The following CERKL variants were observed in gnomAD, a reference collection of about 807,000 sequenced individuals.
CERKL encodes ceramide kinase-like protein.
CERKL carries 61 observed loss-of-function variants against 63.4 expected under a neutral mutation model. The ratio of observed to expected loss-of-function variants is 0.96; its 90% CI spans 0.78 to 1.19. CERKL has a LOEUF of 1.19. CERKL is among the 50% of genes most tolerant of loss of function. The pLI is 0.00. For synonymous variants in CERKL, 250 were observed against 230.5 expected (o/e 1.08, Z -0.77); for missense variants, 675 against 655.5 (o/e 1.03, Z -0.33).
intron 5 of CERKL, among the ~76,000 whole-genome samples, chr2:181,554,176 A>G (rs1688106487): frequency 6.6e-6 from 1 of 151,862 alleles, no homozygotes; most frequent in Non-Finnish European, 1.5e-5. Flanking sequence ...AAAAAAAAAA[A>G]AAAAAAAAAA....
chr2:181,624,142 G>A, intron 1 of CERKL, among the ~76,000 whole-genome samples: 1 of 152,146 alleles, frequency 6.6e-6, no homozygotes, highest in East Asian at 1.9e-4. Flanking sequence ...TCAGGCACAA[G>A]TAGCCCATGT....
chr2:181,608,957 A>C (rs1356580287), intron 1 of CERKL, among the ~76,000 whole-genome samples: 1 of 152,212 alleles, frequency 6.6e-6, no homozygotes, highest in Non-Finnish European at 1.5e-5. Context: ...ATCAATTAGC[A>C]TATTATATCT....
At chr2:181,629,644 A>C (rs922440404) in intron 1 of CERKL, among the ~76,000 whole-genome samples, 3 of 152,160 alleles carry the variant, frequency 2.0e-5, no homozygotes, top group Admixed American at 6.5e-5. Flanking sequence ...AAAAAAAAAA[A>C]AACTCAGTTA....
chr2:181,651,069 G>A (rs951649287), intron 1 of CERKL, among the ~76,000 whole-genome samples: 34 of 152,244 alleles, frequency 2.2e-4, no homozygotes, highest in African/African-American at 6.3e-4. Context: ...GCCCAGAAAC[G>A]AATGGCTTCA....
chr2:181,622,650 A>G (rs896706611), intron 1 of CERKL, among the ~76,000 whole-genome samples: 1 of 152,250 alleles, frequency 6.6e-6, no homozygotes, highest in Admixed American at 6.5e-5. Flanking sequence ...GAAGGATTTC[A>G]GTCAGTAGAT....
chr2:181,633,510 T>C (rs1280233932), intron 1 of CERKL, among the ~76,000 whole-genome samples: 1 of 152,212 alleles, frequency 6.6e-6, no homozygotes, highest in African/African-American at 2.4e-5. Flanking sequence ...ATTGATAGCA[T>C]CCTCTAATAA....
intron 11 of CERKL, among the ~76,000 whole-genome samples, chr2:181,541,399 G>A (rs999115363): frequency 1.3e-5 from 2 of 152,148 alleles, no homozygotes; most frequent in Non-Finnish European, 2.9e-5. Context: ...CTTTTCTGTG[G>A]TATTTGTTAT....
chr2:181,584,528 A>AT (rs1684676071), intron 2 of CERKL, among the ~76,000 whole-genome samples: 1 of 151,838 alleles, frequency 6.6e-6, no homozygotes, highest in Non-Finnish European at 1.5e-5. Flanking sequence ...GAAAAAAAAA[A>AT]TCTGCCATGT....
At chr2:181,578,189 T>TAC (rs1382944964) in intron 2 of CERKL, among the ~76,000 whole-genome samples, 2 of 152,158 alleles carry the variant, frequency 1.3e-5, no homozygotes, top group Admixed American at 6.5e-5. Context: ...CGCATATATA[T>TAC]ACACACACGT....
At position 181,547,700 on chromosome 2, in the gene CERKL, G is replaced by C; in HGVS notation, c.1186C>G (p.Gln396Glu). The change falls in exon 10 of 13, where the codon CAG becomes GAG. Residue 396 changes from glutamine to glutamate, a missense_variant. Coordinates refer to ENST00000410087, the MANE Select transcript of CERKL (RefSeq NM_201548.5). ...ATGCTGACATTCAAGAACTGACCCTGGATCATTTGCCATTGATCATTACAG... is the reference window on the plus strand; with the variant it reads ...ATGCTGACATTCAAGAACTGACCCTCGATCATTTGCCATTGATCATTACAG... ...SDCNDQWQMIQGQFLNVSIMA... is the reference protein window; with the variant it reads ...SDCNDQWQMIEGQFLNVSIMA... 2.5e-6 allele frequency: 4 copies of C among 1,613,996 alleles called. No homozygotes were observed. Among genetic ancestry groups the C allele is most frequent in the Non-Finnish European group, 3.4e-6 (4 of 1,179,934 alleles).
chr2:181,612,108 C>T (rs1433106132), intron 1 of CERKL, among the ~76,000 whole-genome samples: 1 of 152,110 alleles, frequency 6.6e-6, no homozygotes, highest in African/African-American at 2.4e-5. Context: ...AAACTGAAGA[C>T]GGAATGTAAG....
chr2:181,609,118 T>G (rs561312771), intron 1 of CERKL, among the ~76,000 whole-genome samples: 122 of 152,248 alleles, frequency 8.0e-4, no homozygotes, highest in African/African-American at 2.8e-3. Context: ...TTTCTTTTAT[T>G]ATTATACTTT....
intron 2 of CERKL, among the ~76,000 whole-genome samples, chr2:181,574,404 G>A (rs972460032): frequency 3.9e-5 from 6 of 152,216 alleles, no homozygotes; most frequent in Admixed American, 6.5e-5. Flanking sequence ...AGTACCAAGT[G>A]CAGTGCATGC....
chr2:181,578,389 T>G (rs1304168601), intron 2 of CERKL, among the ~76,000 whole-genome samples: 1 of 152,096 alleles, frequency 6.6e-6, no homozygotes, highest in African/African-American at 2.4e-5. Context: ...AACCTTTGCC[T>G]CCCAGGCTCA....
intron 2 of CERKL, among the ~76,000 whole-genome samples, chr2:181,575,825 A>T (rs1233132537): frequency 6.6e-6 from 1 of 152,064 alleles, no homozygotes; most frequent in Non-Finnish European, 1.5e-5. Context: ...TTTTTCCTTT[A>T]AGCTCCACCC....
Position 181,656,199 on chromosome 2 carries a change from G to A in CERKL, c.238+570C>T, listed in dbSNP as rs532202069. 2.6e-5 allele frequency among the ~76,000 whole-genome samples: 4 copies of A among 152,284 alleles called. No individual in the cohort carries two copies. In the South Asian group the frequency reaches 8.3e-4, roughly 32 times the overall value. On this transcript the variant is annotated intron_variant, in intron 1 of 12. Transcript: ENST00000410087. Reference sequence around the variant, plus strand: ...AATCAAAAGTTTCTAGACCGAGCCTGAAGAAGTCTTAATTCTAGACAATGG... The same window carrying A: ...AATCAAAAGTTTCTAGACCGAGCCTAAAGAAGTCTTAATTCTAGACAATGG...
intron 1 of CERKL, among the ~76,000 whole-genome samples, chr2:181,644,286 T>G (rs1017982696): frequency 2.0e-5 from 3 of 152,258 alleles, no homozygotes; most frequent in African/African-American, 7.2e-5. Flanking sequence ...CTTTCACACT[T>G]GACTTCAAAA....
intron 1 of CERKL, among the ~76,000 whole-genome samples, chr2:181,652,493 ATAGAT>A (rs1687983268): frequency 6.6e-6 from 1 of 152,204 alleles, no homozygotes; most frequent in South Asian, 2.1e-4. Context: ...AAAAATAAAA[ATAGAT>A]TAAAGATTTA....
intron 1 of CERKL, among the ~76,000 whole-genome samples, chr2:181,620,312 T>G (rs1686392304): frequency 6.6e-6 from 1 of 152,162 alleles, no homozygotes; most frequent in Admixed American, 6.5e-5. Flanking sequence ...CTCACTTTTG[T>G]CATTATTGTC....
Sources: allele counts gnomAD v4.1 joint callset (sites outside exome capture counted in the v4.1 genomes callset), GRCh38; gene constraint gnomAD v4.1.1; transcripts MANE v1.5; gene names NCBI Gene and HGNC (gene_info 2026-07-23, HGNC 2026-07-21).